The following CSMD1 variants were observed in gnomAD, a reference collection of about 807,000 sequenced individuals.
CSMD1 encodes the protein CUB and sushi domain-containing protein 1.
CSMD1 carries 213 observed loss-of-function variants against 417.5 expected under a neutral mutation model. That is an observed-to-expected ratio of 0.51 (90% CI 0.46 to 0.57). The LOEUF (loss-of-function observed/expected upper bound fraction) is 0.57. CSMD1 is among the 20% of genes least tolerant of loss of function. The probability of loss-of-function intolerance (pLI) is 0.00; values close to 1 mark genes in which losing one functional copy is unlikely to be tolerated. For missense variants in CSMD1, 6,923 were observed against 4,529.7 expected, an observed-to-expected ratio of 1.53 and a Z score of -15.17; for synonymous variants, 2,862 against 1,736.8, an observed-to-expected ratio of 1.65 and a Z score of -16.11.
intron 2 of CSMD1, among the ~76,000 whole-genome samples, chr8:4,497,578 C>T (rs1192699622): frequency 2.0e-5 from 3 of 152,082 alleles, no homozygotes. Flanking sequence ...GAGTGGAGTA[C>T]ACATGGTGGA....
At chr8:3,601,156 A>G (rs1801342997) in intron 8 of CSMD1, among the ~76,000 whole-genome samples, 1 of 152,118 alleles carries the variant, frequency 6.6e-6, no homozygotes, top group Non-Finnish European at 1.5e-5. Context: ...TCTGAGATCT[A>G]CCAGTGCTGC....
intron 3 of CSMD1, among the ~76,000 whole-genome samples, chr8:4,104,751 C>G (rs1233434463): frequency 6.6e-6 from 1 of 152,180 alleles, no homozygotes; most frequent in Middle Eastern, 3.2e-3. Context: ...CGGGGAAAAG[C>G]ACAATCCGGC....
At chr8:4,730,093 T>C (rs1471112197) in intron 1 of CSMD1, among the ~76,000 whole-genome samples, 1 of 152,172 alleles carries the variant, frequency 6.6e-6, no homozygotes, top group Non-Finnish European at 1.5e-5. Flanking sequence ...ACATCTTTAT[T>C]ACCCCTTTTC....
intron 26 of CSMD1, among the ~76,000 whole-genome samples, chr8:3,259,937 C>T (rs1449953901): frequency 6.6e-6 from 1 of 152,118 alleles, no homozygotes; most frequent in Non-Finnish European, 1.5e-5. Context: ...TCTGTAGCTG[C>T]CTTTGGGCTA....
rs76223532 is a variant in CSMD1 at position 4,097,283 on chromosome 8, C to A, written c.416-65184G>T. On this transcript the variant is annotated intron_variant, in intron 3 of 69. Coordinates refer to ENST00000635120, the MANE Select transcript of CSMD1 (RefSeq NM_033225.6). Reference sequence around the variant, plus strand: ...AGAAAACTAGATTACAGTCTAAGCTCTGTCTTATAAAATGGGTGATACTGA... The same window carrying A: ...AGAAAACTAGATTACAGTCTAAGCTATGTCTTATAAAATGGGTGATACTGA... Among the ~76,000 whole-genome samples the A allele has an allele frequency of 5.6e-3, 848 of 152,272 alleles. 7 individuals are homozygous for A. Among genetic ancestry groups the A allele is most frequent in the African/African-American group, 0.02 (814 of 41,554 alleles).
intron 33 of CSMD1, among the ~76,000 whole-genome samples, chr8:3,196,736 G>T (rs570404105): frequency 6.6e-6 from 1 of 152,168 alleles, no homozygotes; most frequent in Non-Finnish European, 1.5e-5. Flanking sequence ...ACTGAAACTT[G>T]TTGGTAATGC....
At chr8:3,845,137 T>C (rs1026705907) in intron 5 of CSMD1, among the ~76,000 whole-genome samples, 17 of 152,318 alleles carry the variant, frequency 1.1e-4, no homozygotes, top group South Asian at 6.2e-4. Context: ...TCTGTAGACA[T>C]TGAATTGAAG....
At chr8:3,635,080 C>T (rs1238607394) in intron 7 of CSMD1, among the ~76,000 whole-genome samples, 1 of 152,028 alleles carries the variant, frequency 6.6e-6, no homozygotes, top group African/African-American at 2.4e-5. Context: ...ATATAAGATA[C>T]TTACTATAAA....
intron 46 of CSMD1, among the ~76,000 whole-genome samples, chr8:3,102,313 T>C (rs1815813007): frequency 6.6e-6 from 1 of 152,212 alleles, no homozygotes; most frequent in African/African-American, 2.4e-5. Context: ...TTTCAAATGA[T>C]GAGTTGTTTA....
chr8:4,891,223 G>C (rs1264521745), intron 1 of CSMD1, among the ~76,000 whole-genome samples: 2 of 152,028 alleles, frequency 1.3e-5, no homozygotes, highest in East Asian at 3.9e-4. Flanking sequence ...ACTATGAAGA[G>C]GTAAAATTCT....
At chr8:3,636,674 A>T (rs1273280505) in intron 7 of CSMD1, among the ~76,000 whole-genome samples, 1 of 152,164 alleles carries the variant, frequency 6.6e-6, no homozygotes, top group African/African-American at 2.4e-5. Context: ...CCTAGTCTTG[A>T]TCCTGTGGAG....
chr8:4,432,963 G>A (rs1021842910), intron 2 of CSMD1, among the ~76,000 whole-genome samples: 2 of 152,144 alleles, frequency 1.3e-5, no homozygotes, highest in Non-Finnish European at 2.9e-5. Flanking sequence ...GTTACCAGCT[G>A]AGCTCCACCC....
intron 7 of CSMD1, among the ~76,000 whole-genome samples, chr8:3,637,633 A>G (rs1010587720): frequency 1.3e-5 from 2 of 152,170 alleles, no homozygotes; most frequent in African/African-American, 4.8e-5. Context: ...TGTTGGCACT[A>G]TTAAAGTCTA....
chr8:3,705,045 A>C (rs1361762636), intron 7 of CSMD1, among the ~76,000 whole-genome samples: 1 of 152,208 alleles, frequency 6.6e-6, no homozygotes, highest in African/African-American at 2.4e-5. Context: ...TCACCATGAC[A>C]GGGTCCCACC....
chr8:3,516,362 G>A (rs781132478), intron 10 of CSMD1, among the ~76,000 whole-genome samples: 1 of 152,306 alleles, frequency 6.6e-6, no homozygotes, highest in Middle Eastern at 3.4e-3. Context: ...TTGCAAGACA[G>A]CTTAGTATAA....
chr8:3,523,150 G>T (rs1229661134), intron 10 of CSMD1, among the ~76,000 whole-genome samples: 1 of 151,844 alleles, frequency 6.6e-6, no homozygotes, highest in Non-Finnish European at 1.5e-5. Context: ...TGTCCTCCTT[G>T]GCATTCCTCA....
chr8:3,181,567 C>A, intron 36 of CSMD1, among the ~76,000 whole-genome samples: 1 of 152,064 alleles, frequency 6.6e-6, no homozygotes, highest in East Asian at 1.9e-4. Context: ...AAAAGTTCAA[C>A]AGCCAAGAGT....
intron 10 of CSMD1, among the ~76,000 whole-genome samples, chr8:3,514,203 G>C (rs142319601): frequency 1.3e-5 from 2 of 152,130 alleles, no homozygotes; most frequent in South Asian, 4.1e-4. Context: ...ACATGCTCTT[G>C]TGTAAAGGAT....
At position 3,668,302 on chromosome 8, in the gene CSMD1, T is replaced by G. The variant is rs145350639; in HGVS notation, c.1009+40112A>C. Among the ~76,000 whole-genome samples the G allele has an allele frequency of 6.6e-4, 101 of 152,104 alleles. 1 individual carries two copies. In the East Asian group the frequency reaches 0.014, roughly 21 times the overall value. ...GCCCTGTGTAAAGGAAGATATGAAG[T>G]GAGAGGATTAGGAAGGAGGGGCATG... On this transcript the variant is annotated intron_variant, in intron 7 of 69. Coordinates refer to ENST00000635120, the MANE Select transcript of CSMD1 (RefSeq NM_033225.6).
Sources: gnomAD v4.1 joint callset for allele counts (sites outside exome capture counted in the v4.1 genomes callset) on GRCh38, gnomAD v4.1.1 for gene constraint, MANE v1.5 for transcripts, NCBI Gene and HGNC (gene_info 2026-07-23, HGNC 2026-07-21) for gene names.